The following MTM1 variants were observed in gnomAD, a reference collection of about 807,000 sequenced individuals.
MTM1 encodes the protein myotubularin.
A neutral mutation model predicts 52.1 loss-of-function variants in MTM1; 9 were observed. That is an observed-to-expected ratio of 0.17 (90% confidence interval 0.10 to 0.30). The LOEUF (loss-of-function observed/expected upper bound fraction) is 0.30, where lower values mean the gene tolerates loss of function less well. Ranked by LOEUF, MTM1 falls within the 10% of genes least tolerant of loss-of-function variation. The pLI is 1.00. For synonymous variants in MTM1, 136 were observed against 163.8 expected (o/e 0.83, Z 1.29); for missense variants, 277 against 470.7 (o/e 0.59, Z 3.81).
intron 4 of MTM1, among the ~76,000 whole-genome samples, chrX:150,601,907 C>A (rs2095281231): frequency 1.8e-5 from 2 of 112,037 alleles, no homozygotes; most frequent in African/African-American, 6.5e-5. Flanking sequence ...TCAAACTACG[C>A]AGAGCCTTTC....
chrX:150,596,659 C>T (rs1290743826), intron 3 of MTM1, 89 bp downstream of exon 3: 3 of 697,524 alleles, frequency 4.3e-6, no homozygotes, highest in East Asian at 3.3e-5. Context: ...CTTTAGCAGT[C>T]AGGCTTAGAC....
intron 4 of MTM1, among the ~76,000 whole-genome samples, chrX:150,607,575 A>G: frequency 9.0e-6 from 1 of 111,197 alleles, no homozygotes; most frequent in East Asian, 2.8e-4. Flanking sequence ...TTCCCTATAC[A>G]TTCCTGGCTC....
rs1297622698 is a variant in MTM1 at position 150,658,117 on chromosome X, G to A, written c.1260+90G>A. On this transcript the variant is annotated intron_variant, in intron 11 of 14. Transcript: ENST00000370396. ...TAAATTACATATTCAGTATTACAATGAAAATCTGAGGAGTGTAATAAAAAC... is the reference window on the plus strand; with the variant it reads ...TAAATTACATATTCAGTATTACAATAAAAATCTGAGGAGTGTAATAAAAAC... The A allele has an allele frequency of 9.2e-6, 7 of 762,908 alleles. No homozygotes were observed. In the African/African-American group the frequency reaches 1.3e-4, roughly 14 times the overall value. 62.9% of individuals were successfully genotyped at this position (762,908 alleles called of 1,213,427 possible).
Position 150,614,618 on chromosome X carries a change from G to C in MTM1, c.261G>C (p.Leu87=). Residue 87 remains leucine (L), a synonymous_variant, in exon 5 of 15, where the codon CTG becomes CTC. Coordinates refer to ENST00000370396, the MANE Select transcript of MTM1 (RefSeq NM_000252.3). ...CTTCTCTAATACTTGATGTTCCTCT[G>C]GGTGTGATCTCGAGAATTGAAAAAA... ...TDSSLILDVP[L]GVISRIEKMG... is the part of the protein sequence containing the mutation. The C allele has an allele frequency of 8.3e-7, 1 of 1,201,330 alleles. No homozygotes were observed. The highest frequency in any genetic ancestry group is 1.1e-6 in the Non-Finnish European group (1 of 886,790).
At chrX:150,659,994 T>C (rs1462204115) in intron 12 of MTM1, among the ~76,000 whole-genome samples, 3 of 111,890 alleles carry the variant, frequency 2.7e-5, no homozygotes, top group Non-Finnish European at 5.6e-5. Flanking sequence ...TATTTAACTC[T>C]GATGTCTCTA....
At chrX:150,652,647 GTA>G (rs199835037) in intron 10 of MTM1, among the ~76,000 whole-genome samples, 2,612 of 52,727 alleles carry the variant, frequency 0.05, 39 homozygotes, top group Admixed American at 0.077. Context: ...GTGTGTGTGT[GTA>G]TATATATATA....
At position 150,672,094 on chromosome X, in the gene MTM1, A is replaced by G. The variant is rs2040405306; in HGVS notation, c.*499A>G. On this transcript the variant is annotated 3_prime_UTR_variant, in exon 15 of 15. Transcript: ENST00000370396. ...GGCATTACCCAAAAGCAAGGTGTTT[A>G]AGTAATTGCCAGCTTTTATACCATC... 8.3e-6 allele frequency: 1 copy of G among 119,882 alleles called. No homozygotes were observed. The highest frequency in any genetic ancestry group is 3.3e-5 in the African/African-American group (1 of 30,666). The allele number at this position is 119,882 out of a possible 1,213,427, so 9.9% of individuals were successfully genotyped here. A position where few individuals can be genotyped will look rare whatever the true frequency, so the allele number is the denominator to read the frequency against.
At chrX:150,656,124 T>A (rs1557414404) in intron 10 of MTM1, among the ~76,000 whole-genome samples, 1 of 111,063 alleles carries the variant, frequency 9.0e-6, no homozygotes, top group Admixed American at 9.6e-5. Flanking sequence ...GTTGGGTCAG[T>A]GATTTTTTTT....
chrX:150,650,062 A>G (rs2039994236), intron 10 of MTM1, among the ~76,000 whole-genome samples, 161 bp downstream of exon 10: 1 of 112,065 alleles, frequency 8.9e-6, no homozygotes, highest in South Asian at 3.7e-4. Flanking sequence ...TAATTTGCTT[A>G]CCTAAATTAA....
chrX:150,615,516 GA>G (rs2039369010), intron 5 of MTM1, among the ~76,000 whole-genome samples: 1 of 109,386 alleles, frequency 9.1e-6, no homozygotes. Flanking sequence ...TTAATTTGAA[GA>G]CCTGGGCTGA....
chrX:150,670,845 T>G (rs1173953239), intron 14 of MTM1, among the ~76,000 whole-genome samples: 1 of 111,986 alleles, frequency 8.9e-6, no homozygotes, highest in East Asian at 2.8e-4. Flanking sequence ...TGGAAATCAC[T>G]GATTACCCAT....
At chrX:150,636,025 A>G (rs1424313029) in intron 6 of MTM1, among the ~76,000 whole-genome samples, 1 of 112,066 alleles carries the variant, frequency 8.9e-6, no homozygotes, top group Non-Finnish European at 1.9e-5. Flanking sequence ...ATTCTTCCTG[A>G]AATATCTGGG....
Position 150,662,084 on chromosome X carries a change from C to A in MTM1, c.1468-1349C>A, listed in dbSNP as rs782258001. On this transcript the variant is annotated intron_variant, in intron 13 of 14. Transcript: ENST00000370396. Reference sequence around the variant, plus strand: ...GTTGTAAATAATACTGGGGGAAAAACACAATTGTTTCTGGGAAAAGAGGTG... The same window carrying A: ...GTTGTAAATAATACTGGGGGAAAAAAACAATTGTTTCTGGGAAAAGAGGTG... Among the ~76,000 whole-genome samples, 6 of 111,299 alleles carry A rather than the reference C, an allele frequency of 5.4e-5. No individual in the cohort carries two copies. In the East Asian group the frequency reaches 1.7e-3, roughly 31 times the overall value.
At chrX:150,575,074 G>A (rs373422598) in intron 1 of MTM1, among the ~76,000 whole-genome samples, 9 of 112,244 alleles carry the variant, frequency 8.0e-5, no homozygotes, top group African/African-American at 1.9e-4. Flanking sequence ...GTTTTTTCTC[G>A]GTTTCAGTTT....
intron 6 of MTM1, among the ~76,000 whole-genome samples, chrX:150,626,235 T>G (rs1360633535): frequency 8.9e-6 from 1 of 112,357 alleles, no homozygotes; most frequent in African/African-American, 3.2e-5. Flanking sequence ...GTTATGGAGG[T>G]ATATATCTTT....
intron 8 of MTM1, among the ~76,000 whole-genome samples, chrX:150,643,543 GTA>G (rs1428869284): frequency 9.0e-6 from 1 of 111,332 alleles, no homozygotes; most frequent in Non-Finnish European, 1.9e-5. Flanking sequence ...ACACACATAT[GTA>G]TATATATTTG....
chrX:150,652,658 TACACACACACACACACACACACAC>T (rs377592464), intron 10 of MTM1, among the ~76,000 whole-genome samples: 242 of 82,459 alleles, frequency 2.9e-3, no homozygotes, highest in South Asian at 0.021. Context: ...TATATATATA[TACACACACACACACACACACACAC>T]ACACACACAC....
Position 150,647,862 on chromosome X carries a change from C to T in MTM1, c.868-1854C>T, listed in dbSNP as rs188687661. 1.1e-4 allele frequency among the ~76,000 whole-genome samples: 12 copies of T among 112,326 alleles called. No homozygotes were observed. The East Asian group carries it at 3.3e-3, about 31-fold the overall frequency. On this transcript the variant is annotated intron_variant, in intron 9 of 14. Transcript: ENST00000370396. ...AGCCGCTTCTATTTTTGTGGCGGTA[C>T]ATCGTGATGAATTAATGTGGAACTG...
chrX:150,662,357 CTT>C (rs1219702681), intron 13 of MTM1, among the ~76,000 whole-genome samples: 1 of 111,773 alleles, frequency 8.9e-6, no homozygotes, highest in African/African-American at 3.3e-5. Context: ...GAGTTTCGCT[CTT>C]GTCACCCAGG....
Sources: gnomAD v4.1 joint callset for allele counts (sites outside exome capture counted in the v4.1 genomes callset) on GRCh38, gnomAD v4.1.1 for gene constraint, MANE v1.5 for transcripts, NCBI Gene and HGNC (gene_info 2026-07-23, HGNC 2026-07-21) for gene names.